Variants in STK32B observed in about 807,000 individuals in gnomAD.
STK32B encodes the protein serine/threonine-protein kinase 32B.
Under a neutral mutation model 52.6 loss-of-function variants are expected in STK32B, and 43 were observed. The observed-to-expected ratio is 0.82, with a 90% confidence interval of 0.64 to 1.05. The LOEUF is 1.05. STK32B is among the 50% of genes least tolerant of loss of function. The pLI is 0.00. For missense variants in STK32B, 621 were observed against 534.6 expected, an observed-to-expected ratio of 1.16 and a Z score of -1.59; for synonymous variants, 238 against 204.3, an observed-to-expected ratio of 1.17 and a Z score of -1.41.
chr4:5,329,005 A>C (rs189666200), intron 3 of STK32B, among the ~76,000 whole-genome samples: 32 of 152,310 alleles, frequency 2.1e-4, no homozygotes, highest in Admixed American at 7.2e-4. Context: ...AATTAATAAT[A>C]CCAACAATAA....
chr4:5,395,773 G>A lies in STK32B; in HGVS notation c.435-2434G>A, dbSNP rs1481033818. Among the ~76,000 whole-genome samples the A allele has an allele frequency of 6.6e-6, 1 of 152,268 alleles. No homozygotes were observed. The highest frequency in any genetic ancestry group is 1.5e-5 in the Non-Finnish European group (1 of 68,042). Reference sequence around the variant, plus strand: ...CAAAGGAAACTGAAGCAGAGGCAGAGATCATGCAGGTAGTCAAAAGTGAGA... The same window carrying A: ...CAAAGGAAACTGAAGCAGAGGCAGAAATCATGCAGGTAGTCAAAAGTGAGA... On this transcript the variant is annotated intron_variant, in intron 4 of 11. Coordinates refer to ENST00000282908, the MANE Select transcript of STK32B (RefSeq NM_018401.3). This position sits in a 1 kb window ranked among gnomAD's most constrained non-coding sequence, Gnocchi z 4.4.
intron 3 of STK32B, among the ~76,000 whole-genome samples, chr4:5,205,508 C>T (rs1328000349): frequency 3.3e-5 from 5 of 152,244 alleles, no homozygotes; most frequent in South Asian, 2.1e-4. Flanking sequence ...TCACTGACAG[C>T]GCTGTGGGTG....
chr4:5,145,425 TA>T (rs1388221302), intron 2 of STK32B, among the ~76,000 whole-genome samples: 1 of 152,188 alleles, frequency 6.6e-6, no homozygotes, highest in African/African-American at 2.4e-5. Context: ...TTTTGAGAAA[TA>T]AATGCATCTG....
intron 9 of STK32B, among the ~76,000 whole-genome samples, chr4:5,461,623 C>T (rs55816120): frequency 0.36 from 55,040 of 152,106 alleles, 10,781 homozygotes; most frequent in Non-Finnish European, 0.43. Context: ...AGCAGCGTTG[C>T]ATCCCCACCT....
chr4:5,322,657 G>A (rs1297611359), intron 3 of STK32B, among the ~76,000 whole-genome samples: 1 of 152,198 alleles, frequency 6.6e-6, no homozygotes, highest in South Asian at 2.1e-4. Flanking sequence ...ACTAAGAAAG[G>A]TCTAGGGTTT....
intron 3 of STK32B, among the ~76,000 whole-genome samples, chr4:5,219,143 G>A (rs1282280211): frequency 2.0e-5 from 3 of 152,242 alleles, no homozygotes; most frequent in Non-Finnish European, 4.4e-5. Context: ...CCAAGGTGGA[G>A]TCTGACCAAT....
chr4:5,408,832 G>A (rs182629679), intron 5 of STK32B, among the ~76,000 whole-genome samples: 2 of 152,230 alleles, frequency 1.3e-5, no homozygotes, highest in Admixed American at 6.5e-5. Flanking sequence ...CAGTGGTCTT[G>A]CCACCCCATG....
At chr4:5,133,634 C>T (rs534232410) in intron 1 of STK32B, among the ~76,000 whole-genome samples, 5 of 152,200 alleles carry the variant, frequency 3.3e-5, no homozygotes, top group African/African-American at 1.2e-4. Flanking sequence ...AAATAATCGC[C>T]ATCATTATAT....
At chr4:5,457,373 G>A (rs746497530) in intron 8 of STK32B, among the ~76,000 whole-genome samples, 6 of 151,020 alleles carry the variant, frequency 4.0e-5, no homozygotes, top group East Asian at 2.0e-4. Context: ...CCGCCAACAC[G>A]CCCGGCTAAT....
At chr4:5,202,221 G>A (rs191266363) in intron 3 of STK32B, among the ~76,000 whole-genome samples, 24 of 152,316 alleles carry the variant, frequency 1.6e-4, no homozygotes, top group African/African-American at 5.3e-4. Flanking sequence ...ACCCAGCAGG[G>A]CAACCATTAA....
rs1342788191 is a variant in STK32B, at chr4:5,249,437, A to ACCTT, written c.260+80990_260+80991insTCCT. Among the ~76,000 whole-genome samples, 186 of 107,504 alleles carry ACCTT rather than the reference A, an allele frequency of 1.7e-3. 1 individual carries two copies. Among genetic ancestry groups the ACCTT allele is most frequent in the East Asian group, 2.8e-3 (7 of 2,498 alleles). The allele number at this position is 107,504 out of a possible 152,430, so 70.5% of individuals were successfully genotyped here. A position where few individuals can be genotyped will look rare whatever the true frequency, so the allele number is the denominator to read the frequency against. On this transcript the variant is annotated intron_variant, in intron 3 of 11. Coordinates refer to ENST00000282908, the MANE Select transcript of STK32B (RefSeq NM_018401.3). ...GCCTGTCTGTTCTTCCTTCCTTCCT[A>ACCTT]CCTACCTTCCTTCCTTCCTTCCTTC... is the stretch of plus-strand genomic sequence containing the variant.
At chr4:5,433,609 G>A (rs900552325) in intron 6 of STK32B, among the ~76,000 whole-genome samples, 4 of 152,246 alleles carry the variant, frequency 2.6e-5, no homozygotes, top group African/African-American at 9.6e-5. Context: ...TACCTTGAAG[G>A]CCCCCTCTAG....
At chr4:5,043,487 C>T in the STK32B span, among the ~76,000 whole-genome samples, 1 of 152,170 alleles carries the variant, frequency 6.6e-6, no homozygotes, top group African/African-American at 2.4e-5. Flanking sequence ...CAAATAATTC[C>T]TTTATATAGG....
rs1161393814 is a variant in STK32B at position 5,058,771 on chromosome 4, T to C, written c.52+6856T>C. 2.0e-5 allele frequency among the ~76,000 whole-genome samples: 3 copies of C among 152,062 alleles called. No homozygotes were observed. Among genetic ancestry groups the C allele is most frequent in the Non-Finnish European group, 4.4e-5 (3 of 68,004 alleles). On this transcript the variant is annotated intron_variant, in intron 1 of 11. Coordinates refer to ENST00000282908, the MANE Select transcript of STK32B (RefSeq NM_018401.3). The surrounding 1 kb of genome is among the most constrained non-coding windows in gnomAD (Gnocchi z 4.8). Reference sequence around the variant, plus strand: ...TATTTTACTTATTTATTTTTTGATATAGAATCTCTCTCTCTGTCTCCCAGG... The same window carrying C: ...TATTTTACTTATTTATTTTTTGATACAGAATCTCTCTCTCTGTCTCCCAGG...
chr4:5,264,615 T>C (rs955431949), intron 3 of STK32B, among the ~76,000 whole-genome samples: 8 of 149,210 alleles, frequency 5.4e-5, no homozygotes, highest in African/African-American at 2.0e-4. Flanking sequence ...TGAAACCCTG[T>C]CTCTACTAAA....
chr4:5,228,564 A>C (rs1241100837), intron 3 of STK32B, among the ~76,000 whole-genome samples: 5 of 152,166 alleles, frequency 3.3e-5, no homozygotes, highest in Non-Finnish European at 1.5e-5. Flanking sequence ...TCTGTATTTA[A>C]CATAGGGACT....
At chr4:5,455,848 A>G (rs901656698) in intron 7 of STK32B, among the ~76,000 whole-genome samples, 5 of 152,200 alleles carry the variant, frequency 3.3e-5, no homozygotes, top group Admixed American at 3.3e-4. Flanking sequence ...TTACTGGCAC[A>G]TATTAATGGC....
intron 4 of STK32B, among the ~76,000 whole-genome samples, chr4:5,353,236 A>G (rs1733952253): frequency 6.6e-6 from 1 of 152,172 alleles, no homozygotes. Context: ...ATCTCTCACC[A>G]TATACAAAAA....
chr4:5,430,688 A>ACG (rs770966237), intron 6 of STK32B, among the ~76,000 whole-genome samples: 24,407 of 152,184 alleles, frequency 0.16, 2,747 homozygotes, highest in East Asian at 0.41. Context: ...TTTTACTACT[A>ACG]TGCTTTTAGT....
Sources: allele counts gnomAD v4.1 joint callset (sites outside exome capture counted in the v4.1 genomes callset), GRCh38; gene constraint gnomAD v4.1.1; non-coding constraint Gnocchi (gnomAD v3.1); transcripts MANE v1.5; gene names NCBI Gene and HGNC (gene_info 2026-07-23, HGNC 2026-07-21).